Variants in COL18A1 observed in about 807,000 individuals in gnomAD.
The protein encoded by COL18A1 is collagen alpha-1(XVIII) chain.
A neutral mutation model predicts 168.0 loss-of-function variants in COL18A1; 133 were observed. The ratio of observed to expected loss-of-function variants is 0.79; its 90% CI spans 0.69 to 0.91. The LOEUF (loss-of-function observed/expected upper bound fraction) is 0.91. COL18A1 is among the 40% of genes least tolerant of loss of function. The pLI is 0.00. For synonymous variants in COL18A1, 949 were observed against 809.0 expected (o/e 1.17, Z -2.94); for missense variants, 2,126 against 1,925.4 (o/e 1.10, Z -1.95).
In COL18A1 at chr21:45,443,845, C is replaced by T. The variant is rs2034445679; in HGVS notation, c.107-24397C>T. On this transcript the variant is annotated intron_variant, in intron 2 of 41. Coordinates refer to ENST00000651438, the MANE Select transcript of COL18A1 (RefSeq NM_001379500.1). The surrounding 1 kb of genome is among the most constrained non-coding windows in gnomAD (Gnocchi z 5.2). The stretch of plus-strand genomic sequence containing the variant: ...AAGGAGAGATGCCTGCTGCATGATC[C>T]CCTAGATGCGTCCGAGGGACACTGG... Among the ~76,000 whole-genome samples, 3 of 152,290 alleles carry T rather than the reference C, an allele frequency of 2.0e-5. No individual in the cohort carries two copies. In the South Asian group the frequency reaches 6.2e-4, roughly 32 times the overall value.
chr21:45,480,627 C>A, intron 12 of COL18A1, 73 bp from the exon 13 acceptor site: 1 of 1,612,392 alleles, frequency 6.2e-7, no homozygotes, highest in Non-Finnish European at 8.5e-7. Context: ...GGGATGAGGC[C>A]CGTTCTGGGG....
At chr21:45,455,575 C>G in intron 2 of COL18A1, 1 of 1,613,894 alleles carries the variant, frequency 6.2e-7, no homozygotes, top group Non-Finnish European at 8.5e-7. Flanking sequence ...TGCTGCTCTT[C>G]TGCTGCCTGG....
chr21:45,429,094 G>T (rs1295306900), intron 2 of COL18A1, among the ~76,000 whole-genome samples: 1 of 151,758 alleles, frequency 6.6e-6, no homozygotes, highest in African/African-American at 2.4e-5. Flanking sequence ...GTAGAGATGG[G>T]GTTTCATCAT....
intron 27 of COL18A1, 24 bp downstream of exon 27, chr21:45,494,595 T>C: frequency 6.2e-7 from 1 of 1,612,976 alleles, no homozygotes. Flanking sequence ...TGGCTTTCTC[T>C]GCACTGAGCT....
At chr21:45,466,152 C>T (rs979566845) in intron 2 of COL18A1, among the ~76,000 whole-genome samples, 1 of 152,106 alleles carries the variant, frequency 6.6e-6, no homozygotes, top group Non-Finnish European at 1.5e-5. Context: ...AAGGGATGGA[C>T]GTCCCCGGTC....
chr21:45,508,909 G>A (rs983276675), intron 38 of COL18A1, among the ~76,000 whole-genome samples: 2 of 152,156 alleles, frequency 1.3e-5, no homozygotes, highest in African/African-American at 4.8e-5. Context: ...GGGGAAAGGT[G>A]CAGAATCAAT....
chr21:45,495,055 C>A, intron 28 of COL18A1, 140 bp downstream of exon 28: 1 of 769,646 alleles, frequency 1.3e-6, no homozygotes, highest in Non-Finnish European at 2.2e-6. Flanking sequence ...CCGGCCCTGC[C>A]TGAGCGCAGC....
At chr21:45,507,338 G>A (rs979222923) in intron 37 of COL18A1, 18 of 620,394 alleles carry the variant, frequency 2.9e-5, no homozygotes, top group Non-Finnish European at 5.0e-5. Context: ...AGGGCCGGGT[G>A]CTGGGCAGGG....
chr21:45,480,962 C>A, intron 13 of COL18A1, 104 bp downstream of exon 13: 1 of 1,461,620 alleles, frequency 6.8e-7, no homozygotes, highest in Non-Finnish European at 9.3e-7. Flanking sequence ...CTCCCCAGTC[C>A]CCGCCTCCTC....
At chr21:45,509,670 A>G (rs1209795107) in intron 39 of COL18A1, 69 bp downstream of exon 39, 3 of 876,518 alleles carry the variant, frequency 3.4e-6, no homozygotes, top group Non-Finnish European at 5.5e-6. Context: ...AAGAGGGCCC[A>G]GCCCCTGCAG....
At chr21:45,414,638 C>T (rs2033391669) in intron 2 of COL18A1, among the ~76,000 whole-genome samples, 1 of 152,226 alleles carries the variant, frequency 6.6e-6, no homozygotes, top group Non-Finnish European at 1.5e-5. Flanking sequence ...GCCTGAGGGC[C>T]TCACGGACAG....
chr21:45,422,060 A>C (rs2033641237), intron 2 of COL18A1, among the ~76,000 whole-genome samples: 1 of 152,010 alleles, frequency 6.6e-6, no homozygotes, highest in African/African-American at 2.4e-5. Context: ...AGGCTCACGC[A>C]CACACAGGTT....
intron 2 of COL18A1, among the ~76,000 whole-genome samples, chr21:45,436,500 G>C (rs187435483): frequency 1.4e-3 from 215 of 152,284 alleles, no homozygotes; most frequent in African/African-American, 4.3e-3. Flanking sequence ...TGGAAGGAGA[G>C]GGCTTTCGGT....
Position 45,480,448 on chromosome 21 carries a change from C to G in COL18A1, c.1399-19C>G. Reference sequence around the variant, plus strand: ...GGGCCGAGCTCAGGGCAACGTGTCTCTCCGGCTCTTTTCCTCAGACCTTCA... The same window carrying G: ...GGGCCGAGCTCAGGGCAACGTGTCTGTCCGGCTCTTTTCCTCAGACCTTCA... On this transcript the variant is annotated intron_variant, in intron 11 of 41. Transcript: ENST00000651438. 1 of 1,614,132 alleles carries G rather than the reference C, an allele frequency of 6.2e-7. No homozygotes were observed. The highest frequency in any genetic ancestry group is 1.1e-5 in the South Asian group (1 of 91,086).
chr21:45,505,354 G>A lies in COL18A1; in HGVS notation c.3014-4G>A, dbSNP rs757988475. On this transcript the variant is annotated splice_region_variant and splice_polypyrimidine_tract_variant and intron_variant, in intron 35 of 41. Coordinates refer to ENST00000651438, the MANE Select transcript of COL18A1 (RefSeq NM_001379500.1). ...GTGTTCCCACCTTGGTTTCTCTCCT[G>A]CAGCTATCAGCGTTCCCGGCCCTCC... 1.9e-6 allele frequency: 3 copies of A among 1,594,920 alleles called. No individual in the cohort carries two copies. The highest frequency in any genetic ancestry group is 3.3e-5 in the Admixed American group (2 of 59,988).
Position 45,457,143 on chromosome 21 carries a change from A to G in COL18A1, c.107-11099A>G, listed in dbSNP as rs995675078. Among the ~76,000 whole-genome samples the G allele has an allele frequency of 3.3e-5, 5 of 152,044 alleles. No homozygotes were observed. The highest frequency in any genetic ancestry group is 5.9e-5 in the Non-Finnish European group (4 of 67,988). ...GGGCCTGGAGCTCCCTGAGCATTTT[A>G]GCGCATTTAGTCCTCAGCACGGTCC... On this transcript the variant is annotated intron_variant, in intron 2 of 41. Coordinates refer to ENST00000651438, the MANE Select transcript of COL18A1 (RefSeq NM_001379500.1). The surrounding 1 kb of genome is among the most constrained non-coding windows in gnomAD (Gnocchi z 4.6).
chr21:45,414,270 A>C (rs1440862568), intron 2 of COL18A1, among the ~76,000 whole-genome samples: 2 of 152,140 alleles, frequency 1.3e-5, no homozygotes, highest in African/African-American at 2.4e-5. Flanking sequence ...TGGGTCCCCA[A>C]ATCTCAGCCC....
rs2036324948 is a variant in COL18A1 at position 45,491,112 on chromosome 21, G to A, written c.2068-113G>A. ...CCAAGGCCACAGTCCACAGCCCCGG[G>A]CGCCTCCTCACCCACCGTGGGCTCT... On this transcript the variant is annotated intron_variant, in intron 21 of 41. Transcript: ENST00000651438. 5.4e-5 allele frequency: 53 copies of A among 980,100 alleles called. No individual in the cohort carries two copies. The South Asian group carries it at 6.9e-4, about 13-fold the overall frequency. 60.7% of individuals were successfully genotyped at this position (980,100 alleles called of 1,614,324 possible).
intron 2 of COL18A1, among the ~76,000 whole-genome samples, chr21:45,429,816 C>A (rs2033903561): frequency 6.6e-6 from 1 of 152,240 alleles, no homozygotes; most frequent in Non-Finnish European, 1.5e-5. Context: ...CTCCCCCAAC[C>A]AAGCCTGCCC....
Sources: gnomAD v4.1 joint callset for allele counts (sites outside exome capture counted in the v4.1 genomes callset) on GRCh38, gnomAD v4.1.1 for gene constraint, Gnocchi (gnomAD v3.1) non-coding constraint, MANE v1.5 for transcripts, NCBI Gene and HGNC (gene_info 2026-07-23, HGNC 2026-07-21) for gene names.